The following USP15 variants were observed in gnomAD, a reference collection of about 807,000 sequenced individuals.
USP15 encodes ubiquitin carboxyl-terminal hydrolase 15.
A neutral mutation model predicts 127.1 loss-of-function variants in USP15; 18 were observed. That is an observed-to-expected ratio of 0.14 (90% confidence interval 0.10 to 0.21). USP15 has a LOEUF of 0.21. Among genes scored for constraint, USP15 ranks in the 10% least tolerant of loss-of-function variants. The pLI is 1.00. For missense variants in USP15, 805 were observed against 1,159.9 expected, an observed-to-expected ratio of 0.69 and a Z score of 4.44; for synonymous variants, 364 against 393.7, an observed-to-expected ratio of 0.92 and a Z score of 0.89.
intron 20 of USP15, among the ~76,000 whole-genome samples, chr12:62,400,020 T>A (rs1402030820): frequency 2.0e-5 from 3 of 152,160 alleles, no homozygotes; most frequent in Non-Finnish European, 2.9e-5. Flanking sequence ...CTTATTTATA[T>A]ACAAATGGGA....
intron 1 of USP15, among the ~76,000 whole-genome samples, chr12:62,269,790 A>G (rs77969716): frequency 0.021 from 3,161 of 152,228 alleles, 105 homozygotes; most frequent in African/African-American, 0.073. Flanking sequence ...TTGTATAGAT[A>G]TAACACATTT....
chr12:62,349,146 C>A, intron 6 of USP15, 75 bp from the exon 7 acceptor site: 1 of 871,954 alleles, frequency 1.1e-6, no homozygotes, highest in Non-Finnish European at 1.6e-6. Context: ...ACATTGTCAT[C>A]TGTTCTTTTA....
At chr12:62,375,661 C>T (rs2066804920) in intron 8 of USP15, among the ~76,000 whole-genome samples, 1 of 152,110 alleles carries the variant, frequency 6.6e-6, no homozygotes, top group South Asian at 2.1e-4. Context: ...ATAGGAATTT[C>T]TTATAGGGGA....
intron 3 of USP15, among the ~76,000 whole-genome samples, chr12:62,310,629 A>C (rs188400205): frequency 4.6e-5 from 7 of 151,496 alleles, no homozygotes; most frequent in African/African-American, 1.7e-4. Flanking sequence ...CCATTCATCC[A>C]TTGATGAGCA....
At chr12:62,315,975 G>A (rs979459973) in intron 4 of USP15, among the ~76,000 whole-genome samples, 11 of 151,952 alleles carry the variant, frequency 7.2e-5, no homozygotes, top group Non-Finnish European at 1.3e-4. Context: ...TTATAAGTTC[G>A]AGATTAAGTT....
chr12:62,350,503 G>T (rs557516708), intron 7 of USP15, among the ~76,000 whole-genome samples: 1 of 151,916 alleles, frequency 6.6e-6, no homozygotes, highest in South Asian at 2.1e-4. Context: ...AAAATAAATG[G>T]AAAAAAGAAC....
Position 62,289,610 on chromosome 12 carries a change from C to T in USP15, c.90-4569C>T, listed in dbSNP as rs960974395. 4.0e-5 allele frequency among the ~76,000 whole-genome samples: 6 copies of T among 150,142 alleles called. No individual in the cohort carries two copies. In the South Asian group the frequency reaches 1.3e-3, roughly 31 times the overall value. ...TTTGGTCTCAGTGTCACTTACTTTT[C>T]CTCTGATCTTTATGTCTTTTCTTCT... is the stretch of plus-strand genomic sequence containing the variant. On this transcript the variant is annotated intron_variant, in intron 1 of 21. Transcript: ENST00000280377.
intron 7 of USP15, among the ~76,000 whole-genome samples, chr12:62,349,657 A>G (rs2065912634): frequency 6.6e-6 from 1 of 152,068 alleles, no homozygotes; most frequent in Non-Finnish European, 1.5e-5. Context: ...GTATTTTTAA[A>G]AAGTGTGTAT....
At position 62,391,089 on chromosome 12, in the gene USP15, T is replaced by G; in HGVS notation, c.1961-68T>G. On this transcript the variant is annotated intron_variant, in intron 15 of 21. Coordinates refer to ENST00000280377, the MANE Select transcript of USP15 (RefSeq NM_001252078.2). Reference sequence around the variant, plus strand: ...CTAAAAAATACCTGGAAACCTAGGATTAATAATATTAATAATTTAAAAATA... The same window carrying G: ...CTAAAAAATACCTGGAAACCTAGGAGTAATAATATTAATAATTTAAAAATA... The G allele has an allele frequency of 6.0e-6, 9 of 1,494,878 alleles. No homozygotes were observed. In the South Asian group the frequency reaches 1.2e-4, roughly 20 times the overall value. 92.6% of individuals were successfully genotyped at this position (1,494,878 alleles called of 1,614,324 possible). A position where few individuals can be genotyped will look rare whatever the true frequency, so the allele number is the denominator to read the frequency against.
rs184682640 is a variant in USP15 at position 62,286,405 on chromosome 12, T to C, written c.90-7774T>C. On this transcript the variant is annotated intron_variant, in intron 1 of 21. Transcript: ENST00000280377. ...TAGCAAGATTGCAGAGAAAAGGGAATGTTTAATATGTTATTGGTGAGAATG... is the reference window on the plus strand; with the variant it reads ...TAGCAAGATTGCAGAGAAAAGGGAACGTTTAATATGTTATTGGTGAGAATG... Among the ~76,000 whole-genome samples, 4 of 152,264 alleles carry C rather than the reference T, an allele frequency of 2.6e-5. No individual in the cohort carries two copies. The East Asian group carries it at 7.7e-4, about 29-fold the overall frequency.
chr12:62,268,563 T>A (rs1376346637), intron 1 of USP15, among the ~76,000 whole-genome samples: 1 of 152,144 alleles, frequency 6.6e-6, no homozygotes, highest in Non-Finnish European at 1.5e-5. Context: ...TGCAAATTAT[T>A]TGCTTTTTCC....
At chr12:62,360,804 A>G (rs1473733216) in intron 8 of USP15, among the ~76,000 whole-genome samples, 1 of 152,076 alleles carries the variant, frequency 6.6e-6, no homozygotes, top group African/African-American at 2.4e-5. Context: ...ACTACTTTCT[A>G]GGTCAGGTTT....
intron 18 of USP15, 32 bp downstream of exon 18, chr12:62,392,419 T>G: frequency 1.3e-6 from 2 of 1,483,396 alleles, no homozygotes; most frequent in Non-Finnish European, 1.8e-6. Context: ...TTGTTTTTGT[T>G]TTCTTTAAGG....
intron 8 of USP15, among the ~76,000 whole-genome samples, chr12:62,368,215 T>C (rs1366459964): frequency 6.6e-6 from 1 of 152,126 alleles, no homozygotes; most frequent in Non-Finnish European, 1.5e-5. Flanking sequence ...TGCTGAGGAG[T>C]ATTTTACTTC....
In USP15 at chr12:62,322,100, G is replaced by A. The variant is rs114381557; in HGVS notation, c.621+491G>A. ...AGTGAACTCTAGTTTGCCAGCCCTT[G>A]TTGAAAGGTGTCAGCTCCCAATTTG... is the stretch of plus-strand genomic sequence containing the variant. On this transcript the variant is annotated intron_variant, in intron 5 of 21. Coordinates refer to ENST00000280377, the MANE Select transcript of USP15 (RefSeq NM_001252078.2). Among the ~76,000 whole-genome samples the A allele has an allele frequency of 3.6e-3, 553 of 152,278 alleles. 3 individuals are homozygous for A. The highest frequency in any genetic ancestry group is 0.012 in the African/African-American group (518 of 41,578).
chr12:62,302,827 T>C lies in USP15; in HGVS notation c.255T>C (p.Asp85=). 1 of 1,612,366 alleles carries C rather than the reference T, an allele frequency of 6.2e-7. No homozygotes were observed. Among genetic ancestry groups the C allele is most frequent in the Non-Finnish European group, 8.5e-7 (1 of 1,178,848 alleles). ...AGTCACTTAAGGAACACCTTATTGA[T>C]GAATTGGATTACATACTGTTGCCAA... ...DAQSLKEHLI[D]ELDYILLPTE... Residue 85 remains aspartate, a synonymous_variant, in exon 3 of 22, where the codon GAT becomes GAC. Coordinates refer to ENST00000280377, the MANE Select transcript of USP15 (RefSeq NM_001252078.2).
At chr12:62,361,377 G>C (rs1474517992) in intron 8 of USP15, among the ~76,000 whole-genome samples, 1 of 151,940 alleles carries the variant, frequency 6.6e-6, no homozygotes, top group Non-Finnish European at 1.5e-5. Flanking sequence ...GTGTTTATCT[G>C]TCCCTAATTC....
intron 16 of USP15, 82 bp from the exon 17 acceptor site, chr12:62,391,734 C>A: frequency 8.3e-7 from 1 of 1,203,628 alleles, no homozygotes; most frequent in Non-Finnish European, 1.1e-6. Context: ...TTTGTTTATT[C>A]TGGTGTATAT....
intron 6 of USP15, chr12:62,327,689 A>ACT (rs2137309146): frequency 2.3e-6 from 1 of 433,782 alleles, no homozygotes; most frequent in East Asian, 7.4e-5. Context: ...TATTCCAACA[A>ACT]CTTTAGTACT....
Sources: gnomAD v4.1 joint callset for allele counts (sites outside exome capture counted in the v4.1 genomes callset) on GRCh38, gnomAD v4.1.1 for gene constraint, MANE v1.5 for transcripts, NCBI Gene and HGNC (gene_info 2026-07-23, HGNC 2026-07-21) for gene names.